ENOX1: variants seen among roughly 807,000 people sequenced by gnomAD.
ENOX1 encodes candidate growth-related and time keeping constitutive hydroquinone (NADH) oxidase.
ENOX1 carries 42 observed loss-of-function variants against 82.5 expected under a neutral mutation model. The ratio of observed to expected loss-of-function variants is 0.51; its 90% confidence interval spans 0.40 to 0.66. The LOEUF (loss-of-function observed/expected upper bound fraction) is 0.66. Ranked by LOEUF, ENOX1 falls within the 30% of genes least tolerant of loss-of-function variation. The pLI is 0.00. For missense variants in ENOX1, 608 were observed against 811.6 expected (o/e 0.75, Z 3.05); for synonymous variants, 271 against 282.2 (o/e 0.96, Z 0.40).
chr13:43,260,403 G>T (rs1338704454), intron 14 of ENOX1, among the ~76,000 whole-genome samples: 2 of 152,218 alleles, frequency 1.3e-5, no homozygotes, highest in Non-Finnish European at 2.9e-5. Flanking sequence ...GTGTGGGAGT[G>T]TGAATTGAGC....
At chr13:43,446,400 C>T (rs1290483198) in intron 3 of ENOX1, among the ~76,000 whole-genome samples, 1 of 152,062 alleles carries the variant, frequency 6.6e-6, no homozygotes, top group Non-Finnish European at 1.5e-5. Flanking sequence ...AGCTTTGTGG[C>T]CCAGATTACC....
intron 5 of ENOX1, among the ~76,000 whole-genome samples, chr13:43,366,011 A>G (rs1233639913): frequency 2.0e-5 from 3 of 152,258 alleles, no homozygotes; most frequent in Non-Finnish European, 2.9e-5. Context: ...CAGAGAAGCC[A>G]CGTGATACCT....
intron 3 of ENOX1, among the ~76,000 whole-genome samples, chr13:43,458,228 CCT>C (rs1354778888): frequency 8.5e-5 from 13 of 152,166 alleles, no homozygotes; most frequent in Non-Finnish European, 1.3e-4. Context: ...TTTTAAATCC[CCT>C]GTCTTCCATT....
At chr13:43,310,331 A>G (rs1450628182) in intron 11 of ENOX1, among the ~76,000 whole-genome samples, 1 of 151,980 alleles carries the variant, frequency 6.6e-6, no homozygotes, top group Non-Finnish European at 1.5e-5. Flanking sequence ...CTGTTTGGGC[A>G]AGTTTATGAG....
At chr13:43,521,741 C>T (rs9590769) in intron 2 of ENOX1, among the ~76,000 whole-genome samples, 30,480 of 151,986 alleles carry the variant, frequency 0.2, 3,589 homozygotes, top group Middle Eastern at 0.28. Flanking sequence ...ATTTGTAAGC[C>T]TAACTCTTCT....
At chr13:43,711,395 C>A (rs1370951945) in intron 1 of ENOX1, among the ~76,000 whole-genome samples, 2 of 152,124 alleles carry the variant, frequency 1.3e-5, no homozygotes, top group African/African-American at 4.8e-5. Flanking sequence ...GGGCATGTGT[C>A]TTTATAGCAG....
At chr13:43,668,482 T>C (rs2085095011) in intron 1 of ENOX1, among the ~76,000 whole-genome samples, 1 of 152,224 alleles carries the variant, frequency 6.6e-6, no homozygotes, top group South Asian at 2.1e-4. Flanking sequence ...TACATCTGGC[T>C]AAATCTCTTT....
chr13:43,361,276 T>C lies in ENOX1; in HGVS notation c.382+3A>G, dbSNP rs546838924. 7.4e-6 allele frequency: 12 copies of C among 1,611,312 alleles called. No individual in the cohort carries two copies. The East Asian group carries it at 2.0e-4, about 27-fold the overall frequency. Reference sequence around the variant, plus strand: ...GCAAATATTTCTCATAGGCGTTACTTACTTGGATTTTGAGGAAAAAGAGTA... The same window carrying C: ...GCAAATATTTCTCATAGGCGTTACTCACTTGGATTTTGAGGAAAAAGAGTA... On this transcript the variant is annotated splice_donor_region_variant and intron_variant, in intron 6 of 16. Coordinates refer to ENST00000690772, the MANE Select transcript of ENOX1 (RefSeq NM_001347969.2).
At chr13:43,567,002 G>A (rs928344147) in intron 2 of ENOX1, among the ~76,000 whole-genome samples, 8 of 152,030 alleles carry the variant, frequency 5.3e-5, no homozygotes, top group African/African-American at 1.7e-4. Flanking sequence ...CCCTCCCAGA[G>A]GAAGAGACAG....
chr13:43,699,269 C>G (rs1012818273), intron 1 of ENOX1, among the ~76,000 whole-genome samples: 3 of 152,160 alleles, frequency 2.0e-5, no homozygotes, highest in African/African-American at 7.2e-5. Flanking sequence ...CAGATCACTT[C>G]GTTTTTATAC....
chr13:43,333,558 C>A (rs1018677441), intron 9 of ENOX1, among the ~76,000 whole-genome samples: 1 of 152,218 alleles, frequency 6.6e-6, no homozygotes, highest in Non-Finnish European at 1.5e-5. Flanking sequence ...CTCGAAACGG[C>A]AACCCTGATC....
chr13:43,550,343 G>A (rs1411655098), intron 2 of ENOX1, among the ~76,000 whole-genome samples: 1 of 152,150 alleles, frequency 6.6e-6, no homozygotes, highest in Non-Finnish European at 1.5e-5. Flanking sequence ...ACACACAGTT[G>A]GAGCCCCACA....
intron 1 of ENOX1, among the ~76,000 whole-genome samples, chr13:43,726,718 TTGTGTGTGTG>T (rs55918525): frequency 0.051 from 7,388 of 144,746 alleles, 214 homozygotes; most frequent in African/African-American, 0.066. Context: ...GCATTGACTT[TTGTGTGTGTG>T]TGTGTGTGTG....
intron 12 of ENOX1, among the ~76,000 whole-genome samples, chr13:43,276,501 CA>C (rs1440217196): frequency 6.6e-6 from 1 of 152,148 alleles, no homozygotes; most frequent in Non-Finnish European, 1.5e-5. Context: ...ACTGTGTCTT[CA>C]GGTCTCCCCA....
intron 11 of ENOX1, among the ~76,000 whole-genome samples, chr13:43,310,448 A>C (rs1374310573): frequency 6.6e-6 from 1 of 152,142 alleles, no homozygotes; most frequent in Non-Finnish European, 1.5e-5. Flanking sequence ...AATTAGCATA[A>C]AATATTTTGT....
At chr13:43,608,533 G>T (rs1356823177) in intron 2 of ENOX1, among the ~76,000 whole-genome samples, 1 of 152,162 alleles carries the variant, frequency 6.6e-6, no homozygotes, top group Non-Finnish European at 1.5e-5. Flanking sequence ...CAAGCCAGCT[G>T]ATGTTCTGGG....
At chr13:43,727,886 A>C (rs1403887667) in intron 1 of ENOX1, among the ~76,000 whole-genome samples, 1 of 152,242 alleles carries the variant, frequency 6.6e-6, no homozygotes, top group Non-Finnish European at 1.5e-5. Flanking sequence ...TTTTAGATCC[A>C]AAACAACCAT....
chr13:43,583,351 A>AGG (rs1197853684), intron 2 of ENOX1, among the ~76,000 whole-genome samples: 1 of 152,244 alleles, frequency 6.6e-6, no homozygotes, highest in Non-Finnish European at 1.5e-5. Flanking sequence ...TTTTTTAAAA[A>AGG]GACCAAAAAC....
At chr13:43,570,344 A>C (rs997760174) in intron 2 of ENOX1, among the ~76,000 whole-genome samples, 2 of 152,132 alleles carry the variant, frequency 1.3e-5, no homozygotes, top group African/African-American at 4.8e-5. Context: ...GAAGCCATAG[A>C]TGCACATAGA....
Sources: gnomAD v4.1 joint callset for allele counts (sites outside exome capture counted in the v4.1 genomes callset) on GRCh38, gnomAD v4.1.1 for gene constraint, MANE v1.5 for transcripts, NCBI Gene and HGNC (gene_info 2026-07-23, HGNC 2026-07-21) for gene names.